Variants in CIRSR observed in about 807,000 individuals in gnomAD.
CIRSR encodes CBF1 (RBPJ) interacting corepressor 1.
the CIRSR span, among the ~76,000 whole-genome samples, chr2:174,381,950 A>G: frequency 6.6e-6 from 1 of 152,216 alleles, no homozygotes; most frequent in Non-Finnish European, 1.5e-5. Context: ...GAAATTAAAC[A>G]GTGCTGTCTC....
the CIRSR span, among the ~76,000 whole-genome samples, chr2:174,354,465 A>T: frequency 1.1e-5 from 1 of 93,060 alleles, no homozygotes; most frequent in Non-Finnish European, 2.0e-5. Context: ...ATAATATATA[A>T]AATATATATA....
chr2:174,372,597 CT>C, the CIRSR span, among the ~76,000 whole-genome samples: 1 of 151,896 alleles, frequency 6.6e-6, no homozygotes, highest in Non-Finnish European at 1.5e-5. Context: ...TCTAGGTGTT[CT>C]TTCTCTATTT....
the CIRSR span, chr2:174,395,657 T>A: frequency 1.2e-6 from 2 of 1,614,134 alleles, no homozygotes; most frequent in Non-Finnish European, 1.7e-6. Flanking sequence ...AGGGGCTAGA[T>A]CTGTTAGCAA....
At chr2:174,349,337 C>T in the CIRSR span, among the ~76,000 whole-genome samples, 42 of 152,070 alleles carry the variant, frequency 2.8e-4, no homozygotes, top group African/African-American at 9.6e-4. Flanking sequence ...GAGGCCACGG[C>T]GGGCGGATCA....
the CIRSR span, chr2:174,380,735 A>T: frequency 6.2e-7 from 1 of 1,610,386 alleles, no homozygotes; most frequent in Non-Finnish European, 8.5e-7. Context: ...TTCATTGAAA[A>T]TTCTTTTAAT....
the CIRSR span, chr2:174,370,065 A>G: frequency 7.4e-7 from 1 of 1,353,964 alleles, no homozygotes; most frequent in South Asian, 1.2e-5. Flanking sequence ...TGCCTGCATT[A>G]GAGTTTCAGG....
the CIRSR span, among the ~76,000 whole-genome samples, chr2:174,372,582 A>C: frequency 6.6e-6 from 1 of 152,110 alleles, no homozygotes; most frequent in Non-Finnish European, 1.5e-5. Flanking sequence ...TCATTTTATT[A>C]GATATCTAGG....
At chr2:174,376,837 T>C in the CIRSR span, among the ~76,000 whole-genome samples, 7 of 150,884 alleles carry the variant, frequency 4.6e-5, no homozygotes, top group Non-Finnish European at 7.4e-5. Context: ...AATGGAGGGC[T>C]GGAGAAGAGC....
At chr2:174,360,551 A>T in the CIRSR span, among the ~76,000 whole-genome samples, 1 of 152,178 alleles carries the variant, frequency 6.6e-6, no homozygotes, top group Non-Finnish European at 1.5e-5. Context: ...ATCACAAGCT[A>T]ATTTCTTTAC....
chr2:174,381,204 T>C, the CIRSR span, among the ~76,000 whole-genome samples: 1 of 152,208 alleles, frequency 6.6e-6, no homozygotes, highest in South Asian at 2.1e-4. Flanking sequence ...ATTATCAGAT[T>C]AGAAAGATAT....
the CIRSR span, chr2:174,370,030 A>C: frequency 7.3e-7 from 1 of 1,364,422 alleles, no homozygotes; most frequent in African/African-American, 1.5e-5. Context: ...AAGGGCAAGA[A>C]AGTGAAGCAT....
chr2:174,369,354 T>G, the CIRSR span, among the ~76,000 whole-genome samples: 1 of 152,244 alleles, frequency 6.6e-6, no homozygotes, highest in African/African-American at 2.4e-5. Flanking sequence ...TGCTTTGGCT[T>G]AAGGGAATGT....
At chr2:174,352,479 T>G in the CIRSR span, among the ~76,000 whole-genome samples, 1 of 152,170 alleles carries the variant, frequency 6.6e-6, no homozygotes, top group African/African-American at 2.4e-5. Flanking sequence ...CTGGGAGTGG[T>G]GACTCATGCG....
the CIRSR span, among the ~76,000 whole-genome samples, chr2:174,362,688 A>T: frequency 6.4e-5 from 2 of 31,066 alleles, no homozygotes; most frequent in Admixed American, 5.6e-4. Flanking sequence ...CTCTGCCTCA[A>T]AAAAAAAAAA....
chr2:174,350,870 G>T, the CIRSR span: 1 of 706,502 alleles, frequency 1.4e-6, no homozygotes, highest in Non-Finnish European at 2.2e-6. Context: ...TGATATTTTG[G>T]ATTGGGAAGT....
At chr2:174,351,173 C>T in the CIRSR span, among the ~76,000 whole-genome samples, 1 of 152,144 alleles carries the variant, frequency 6.6e-6, no homozygotes, top group East Asian at 1.9e-4. Flanking sequence ...ATTTCAACAG[C>T]ACATTATCAA....
At chr2:174,349,284 T>G in the CIRSR span, 4 of 706,888 alleles carry the variant, frequency 5.7e-6, no homozygotes, top group Non-Finnish European at 8.7e-6. Flanking sequence ...ATAGTATCCA[T>G]GGCAGAGCGC....
chr2:174,394,922 A>G, the CIRSR span, among the ~76,000 whole-genome samples: 1 of 152,214 alleles, frequency 6.6e-6, no homozygotes, highest in African/African-American at 2.4e-5. Context: ...AGATTAGAAG[A>G]CTGAGGGTCA....
At chr2:174,354,262 T>C in the CIRSR span, among the ~76,000 whole-genome samples, 1 of 149,690 alleles carries the variant, frequency 6.7e-6, no homozygotes, top group African/African-American at 2.5e-5. Context: ...CTTAGTGAAG[T>C]GCTCGACAAA....
Sources: gnomAD v4.1 joint callset for allele counts (sites outside exome capture counted in the v4.1 genomes callset) on GRCh38, gnomAD v4.1.1 for gene constraint, MANE v1.5 for transcripts, NCBI Gene and HGNC (gene_info 2026-07-23, HGNC 2026-07-21) for gene names.